The following LARGE1 variants were observed in gnomAD, a reference collection of about 807,000 sequenced individuals.
LARGE1 encodes xylosyl- and glucuronyltransferase LARGE1.
Under a neutral mutation model 87.6 loss-of-function variants are expected in LARGE1, and 43 were observed. That is an observed-to-expected ratio of 0.49 (90% CI 0.38 to 0.63). The LOEUF (loss-of-function observed/expected upper bound fraction) is 0.63. Among genes scored for constraint, LARGE1 ranks in the 30% least tolerant of loss-of-function variants. The pLI, the probability that LARGE1 is intolerant of heterozygous loss-of-function variation, is 0.00. For missense variants in LARGE1, 802 were observed against 1,000.2 expected (o/e 0.80, Z 2.67); for synonymous variants, 434 against 394.6 (o/e 1.10, Z -1.18).
intron 1 of LARGE1, among the ~76,000 whole-genome samples, chr22:33,784,344 G>C (rs542353710): frequency 3.8e-4 from 58 of 152,230 alleles, no homozygotes; most frequent in African/African-American, 1.4e-3. Flanking sequence ...GTATAGAAGA[G>C]GAAATAAAGC....
intron 11 of LARGE1, among the ~76,000 whole-genome samples, chr22:33,229,221 C>T (rs1925881522): frequency 6.6e-6 from 1 of 152,172 alleles, no homozygotes; most frequent in South Asian, 2.1e-4. Flanking sequence ...AGTTCCAAGA[C>T]ACATGGCCCT....
At chr22:33,316,282 A>G in intron 10 of LARGE1, 34 bp from the exon 11 acceptor site, 11 of 1,609,382 alleles carry the variant, frequency 6.8e-6, no homozygotes, top group Non-Finnish European at 9.3e-6. Context: ...GGGCACGTGA[A>G]GAAGAGGTCC....
intron 3 of LARGE1, among the ~76,000 whole-genome samples, chr22:33,630,680 G>GTGTGAGTCAGTGA (rs2080081857): frequency 6.6e-6 from 1 of 152,088 alleles, no homozygotes; most frequent in Non-Finnish European, 1.5e-5. Context: ...GTCAGTGAGT[G>GTGTGAGTCAGTGA]GTCAAAGAAT....
chr22:33,120,717 G>C, the LARGE1 span, among the ~76,000 whole-genome samples: 1 of 151,634 alleles, frequency 6.6e-6, no homozygotes, highest in Non-Finnish European at 1.5e-5. Flanking sequence ...GGGTTTCACC[G>C]TGTTGGCCAG....
At chr22:33,160,871 C>G (rs1165715678), downstream of LARGE1, among the ~76,000 whole-genome samples, 5 of 152,256 alleles carry the variant, frequency 3.3e-5, no homozygotes, top group African/African-American at 1.2e-4. Flanking sequence ...TGGGCCAGAT[C>G]TCCCAGGATG....
At chr22:33,321,095 G>A (rs895307712) in intron 10 of LARGE1, 2 of 152,230 alleles carry the variant, frequency 1.3e-5, no homozygotes, top group Non-Finnish European at 2.9e-5. Flanking sequence ...GCTGTAAAAT[G>A]AGGACGACAA....
chr22:33,548,177 A>G (rs2077417964), intron 6 of LARGE1, among the ~76,000 whole-genome samples: 1 of 152,136 alleles, frequency 6.6e-6, no homozygotes, highest in Non-Finnish European at 1.5e-5. Context: ...ATCCCTTGGT[A>G]TTCTGGTGAT....
chr22:33,779,596 A>G (rs922254209), intron 1 of LARGE1, among the ~76,000 whole-genome samples: 13 of 152,122 alleles, frequency 8.5e-5, no homozygotes, highest in African/African-American at 3.1e-4. Flanking sequence ...CCTGTCCAAC[A>G]TAGTGAAACC....
At chr22:33,672,870 G>A (rs764719063) in intron 2 of LARGE1, among the ~76,000 whole-genome samples, 1 of 152,184 alleles carries the variant, frequency 6.6e-6, no homozygotes, top group African/African-American at 2.4e-5. Context: ...AGGCAGATAT[G>A]GTCTCTACCT....
At chr22:33,268,152 C>T (rs570002245), downstream of LARGE1, among the ~76,000 whole-genome samples, 2 of 151,400 alleles carry the variant, frequency 1.3e-5, no homozygotes, top group African/African-American at 4.9e-5. Flanking sequence ...TGGGGTTTCA[C>T]CATGTTGGCC....
chr22:33,151,128 G>A, the LARGE1 span, among the ~76,000 whole-genome samples: 1 of 152,276 alleles, frequency 6.6e-6, no homozygotes, highest in East Asian at 1.9e-4. Context: ...TTTCTTTGAA[G>A]AGGAGCATTA....
At chr22:33,774,208 A>G (rs12628434) in intron 1 of LARGE1, among the ~76,000 whole-genome samples, 29,379 of 151,816 alleles carry the variant, frequency 0.19, 3,404 homozygotes, top group Admixed American at 0.33. Flanking sequence ...ATGTCTCAAA[A>G]TTTAGCACCA....
chr22:33,230,490 A>G (rs1925955385), intron 11 of LARGE1, among the ~76,000 whole-genome samples: 1 of 152,224 alleles, frequency 6.6e-6, no homozygotes, highest in African/African-American at 2.4e-5. Flanking sequence ...AGAAAAAAAC[A>G]GTATTTATAA....
chr22:33,097,804 C>T, the LARGE1 span, among the ~76,000 whole-genome samples: 1 of 152,206 alleles, frequency 6.6e-6, no homozygotes, highest in Non-Finnish European at 1.5e-5. Context: ...TATAATATCA[C>T]AGCTCTCTCA....
At chr22:33,452,265 G>A (rs750275963) in intron 6 of LARGE1, among the ~76,000 whole-genome samples, 4 of 151,508 alleles carry the variant, frequency 2.6e-5, no homozygotes, top group African/African-American at 2.5e-5. Context: ...AAAAAGGAAA[G>A]GAGATAAGGG....
intron 6 of LARGE1, among the ~76,000 whole-genome samples, chr22:33,534,152 C>T (rs1246674458): frequency 1.3e-5 from 2 of 152,114 alleles, no homozygotes; most frequent in East Asian, 3.9e-4. Flanking sequence ...CGCCTGTAAT[C>T]CCAGCACTTT....
the LARGE1 span, among the ~76,000 whole-genome samples, chr22:33,145,365 C>A: frequency 1.3e-5 from 2 of 152,168 alleles, no homozygotes; most frequent in Admixed American, 1.3e-4. Flanking sequence ...CCATCAGAAT[C>A]ATTCTGACCT....
intron 6 of LARGE1, among the ~76,000 whole-genome samples, chr22:33,551,886 T>A (rs369110244): frequency 6.8e-6 from 1 of 147,706 alleles, no homozygotes; most frequent in African/African-American, 2.5e-5. Flanking sequence ...CCCAGCTACT[T>A]GGGAGGCTGA....
At chr22:33,500,251 C>G (rs138440264) in intron 6 of LARGE1, among the ~76,000 whole-genome samples, 2 of 152,148 alleles carry the variant, frequency 1.3e-5, no homozygotes, top group African/African-American at 2.4e-5. Flanking sequence ...ATGATTAGCA[C>G]GCTGCTTTGC....
Sources: allele counts gnomAD v4.1 joint callset (sites outside exome capture counted in the v4.1 genomes callset), GRCh38; gene constraint gnomAD v4.1.1; transcripts MANE v1.5; gene names NCBI Gene and HGNC (gene_info 2026-07-23, HGNC 2026-07-21).